TRIP11: variants seen among roughly 807,000 people sequenced by gnomAD.
TRIP11 encodes thyroid hormone receptor interactor 11.
TRIP11 carries 148 observed loss-of-function variants against 223.1 expected under a neutral mutation model. The observed-to-expected ratio is 0.66, with a 90% CI of 0.58 to 0.76. TRIP11 has a LOEUF of 0.76. Ranked by LOEUF, TRIP11 falls within the 30% of genes least tolerant of loss-of-function variation. TRIP11 has a pLI of 0.00. For missense variants in TRIP11, 2,043 were observed against 2,222.0 expected (o/e 0.92, Z 1.62); for synonymous variants, 762 against 772.6 (o/e 0.99, Z 0.23).
chr14:92,007,629 TAC>T lies in TRIP11; in HGVS notation c.1527+9_1527+10del, dbSNP rs754353690. On this transcript the variant is annotated intron_variant, in intron 10 of 20. Coordinates refer to ENST00000267622, the MANE Select transcript of TRIP11 (RefSeq NM_004239.4). Reference sequence around the variant, plus strand: ...GAATGTGCTGCCTTACTGTATTTAATACAGTGTTACCTTTGTAGCTTCTTGAT... The same window carrying T: ...GAATGTGCTGCCTTACTGTATTTAATAGTGTTACCTTTGTAGCTTCTTGAT... The T allele has an allele frequency of 2.6e-5, 42 of 1,612,768 alleles. No homozygotes were observed. The highest frequency in any genetic ancestry group is 3.5e-5 in the Non-Finnish European group (41 of 1,179,636).
chr14:92,014,266 C>A lies in TRIP11; in HGVS notation c.1135G>T (p.Ala379Ser). The A allele has an allele frequency of 6.2e-7, 1 of 1,614,014 alleles. No homozygotes were observed. The highest frequency in any genetic ancestry group is 8.5e-7 in the Non-Finnish European group (1 of 1,179,982). ...DTMTEKERILAQSASVEEVFR... is the reference protein window; with the variant it reads ...DTMTEKERILSQSASVEEVFR... Reference sequence around the variant, plus strand: ...ACTTCTTCCACTGATGCACTCTGGGCAAGAATTCTTTCCTTTTCTGTCATA... The same window carrying A: ...ACTTCTTCCACTGATGCACTCTGGGAAAGAATTCTTTCCTTTTCTGTCATA... The change falls in exon 7 of 21, where the codon GCC (alanine) becomes TCC (serine). Residue 379 changes from alanine (A) to serine (S), a missense_variant. By Grantham distance (99) the Ala-to-Ser change is moderately conservative. Coordinates refer to ENST00000267622, the MANE Select transcript of TRIP11 (RefSeq NM_004239.4).
At chr14:91,973,088 C>T (rs562520732) in intron 19 of TRIP11, among the ~76,000 whole-genome samples, 1 of 148,446 alleles carries the variant, frequency 6.7e-6, no homozygotes, top group East Asian at 2.0e-4. Flanking sequence ...TGCAATGGCA[C>T]TATCTCGGCT....
At chr14:91,988,579 G>A (rs2056633070) in intron 15 of TRIP11, among the ~76,000 whole-genome samples, 196 bp from the exon 16 acceptor site, 1 of 140,554 alleles carries the variant, frequency 7.1e-6, no homozygotes, top group African/African-American at 2.6e-5. Flanking sequence ...GCCTCATTTA[G>A]AGGAACTAAA....
chr14:91,977,768 A>G (rs1435402091), intron 16 of TRIP11, among the ~76,000 whole-genome samples: 1 of 152,102 alleles, frequency 6.6e-6, no homozygotes, highest in East Asian at 1.9e-4. Flanking sequence ...TGCTCTGTAC[A>G]ATGCTTCTGC....
intron 4 of TRIP11, among the ~76,000 whole-genome samples, chr14:92,020,760 CAAAATCACT>C (rs2057102963): frequency 6.6e-6 from 1 of 151,584 alleles, no homozygotes; most frequent in South Asian, 2.1e-4. Context: ...ATGACAGGAC[CAAAATCACT>C]TAGAAAGTCA....
rs374085165 is a variant in TRIP11 at position 92,025,400 on chromosome 14, A to C, written c.222T>G (p.Leu74=). The change falls in exon 3 of 21, where the codon CTT becomes CTG. Residue 74 remains leucine (L), a synonymous_variant. Coordinates refer to ENST00000267622, the MANE Select transcript of TRIP11 (RefSeq NM_004239.4). ...LRSENERLKK[L]CTDLEEKHEA... ...CATGTTTCTCTTCTAGATCAGTACA[A>C]AGTTTCTTAAGCCTTTCATTCTAGA... The C allele has an allele frequency of 1.9e-6, 3 of 1,612,874 alleles. No homozygotes were observed. The highest frequency in any genetic ancestry group is 1.1e-5 in the South Asian group (1 of 91,056).
rs990413088 is a variant in TRIP11 at position 92,004,547 on chromosome 14, C to T, written c.3429G>A (p.Leu1143=). Residue 1143 remains leucine (L), a synonymous_variant, in exon 11 of 21, where the codon TTG becomes TTA. Coordinates refer to ENST00000267622, the MANE Select transcript of TRIP11 (RefSeq NM_004239.4). ...LIKLQDENKK[L]STRFESSGQD... ...GGCCACTACTTTCAAATCTAGTGGA[C>T]AATTTTTTATTTTCATCTTGCAGTT... 1.2e-6 allele frequency: 2 copies of T among 1,613,190 alleles called. No individual in the cohort carries two copies. The highest frequency in any genetic ancestry group is 1.3e-5 in the African/African-American group (1 of 74,906).
intron 9 of TRIP11, among the ~76,000 whole-genome samples, chr14:92,009,824 G>A (rs180745628): frequency 3.3e-5 from 5 of 152,254 alleles, no homozygotes; most frequent in Admixed American, 2.6e-4. Context: ...TAAAGCTACT[G>A]ATACATACAA....
chr14:92,039,801 A>G lies in TRIP11; in HGVS notation c.-116T>C. 2 of 1,546,366 alleles carry G rather than the reference A, an allele frequency of 1.3e-6. No homozygotes were observed. The highest frequency in any genetic ancestry group is 1.7e-6 in the Non-Finnish European group (2 of 1,144,784). The stretch of plus-strand genomic sequence containing the variant: ...TGCCTTCGCGAGACAGGATACGATA[A>G]CACAAAGCTGGGTTCTCAGGCAAGG... On this transcript the variant is annotated 5_prime_UTR_variant, in exon 1 of 21. Transcript: ENST00000267622.
At chr14:92,018,097 C>CTTTT (rs560446477) in intron 4 of TRIP11, among the ~76,000 whole-genome samples, 1 of 139,316 alleles carries the variant, frequency 7.2e-6, no homozygotes. Flanking sequence ...TTTTTCCTTT[C>CTTTT]TTTTTTTTTT....
chr14:91,995,678 C>A (rs1379402156), intron 13 of TRIP11, among the ~76,000 whole-genome samples, 163 bp from the exon 14 acceptor site: 1 of 150,928 alleles, frequency 6.6e-6, no homozygotes, highest in Non-Finnish European at 1.5e-5. Flanking sequence ...TGCAGTGGCA[C>A]AATCTCAGCT....
At chr14:92,001,390 T>TC (rs2056824537) in intron 11 of TRIP11, among the ~76,000 whole-genome samples, 1 of 151,214 alleles carries the variant, frequency 6.6e-6, no homozygotes, top group South Asian at 2.1e-4. Flanking sequence ...TTTTTTTTTT[T>TC]CACACTACAA....
intron 19 of TRIP11, 139 bp from the exon 20 acceptor site, chr14:91,973,000 T>G (rs2056418176): frequency 1.3e-6 from 1 of 749,314 alleles, no homozygotes; most frequent in Non-Finnish European, 2.0e-6. Flanking sequence ...CAAATCAGCT[T>G]TATGAACAAT....
intron 16 of TRIP11, among the ~76,000 whole-genome samples, chr14:91,982,352 T>C (rs922286439): frequency 8.5e-5 from 13 of 152,188 alleles, no homozygotes; most frequent in African/African-American, 3.1e-4. Context: ...AGACAGAATA[T>C]ATATTTAATT....
At chr14:91,975,040 ATGAAG>A in intron 18 of TRIP11, 127 bp downstream of exon 18, 1 of 857,986 alleles carries the variant, frequency 1.2e-6, no homozygotes, top group Non-Finnish European at 1.9e-6. Flanking sequence ...TCAATGTTGT[ATGAAG>A]TAATTCCATT....
chr14:91,990,821 GAGA>G (rs1262847134), intron 15 of TRIP11, among the ~76,000 whole-genome samples: 3 of 152,284 alleles, frequency 2.0e-5, no homozygotes, highest in East Asian at 1.9e-4. Context: ...TAAGAAAAAA[GAGA>G]AGAAGATCTG....
At chr14:92,025,900 T>C (rs1179756885) in intron 2 of TRIP11, among the ~76,000 whole-genome samples, 1 of 145,334 alleles carries the variant, frequency 6.9e-6, no homozygotes, top group South Asian at 2.1e-4. Flanking sequence ...AAAAAAGCAC[T>C]GACCATGTTT....
chr14:91,995,476 C>T lies in TRIP11; in HGVS notation c.4932G>A (p.Gln1644=), dbSNP rs1053787823. The T allele has an allele frequency of 6.2e-7, 1 of 1,614,136 alleles. No homozygotes were observed. Residue 1644 remains glutamine, a synonymous_variant, in exon 14 of 21, where the codon CAG becomes CAA. Transcript: ENST00000267622. Reference sequence around the variant, plus strand: ...CCCTTTGCTTGGAAACTACATTCAACTGTTCTTGCAATGACTCTACCTGCA... The same window carrying T: ...CCCTTTGCTTGGAAACTACATTCAATTGTTCTTGCAATGACTCTACCTGCA... ...ASVQVESLQE[Q]LNVVSKQRDE...
Position 91,968,668 on chromosome 14 carries a change from T to C in TRIP11, c.*1005A>G, listed in dbSNP as rs2056364283. Reference sequence around the variant, plus strand: ...AACTAAGTGATATATCTGCACTATATGCTCAACAATAAAAAGGAACAAACT... The same window carrying C: ...AACTAAGTGATATATCTGCACTATACGCTCAACAATAAAAAGGAACAAACT... On this transcript the variant is annotated 3_prime_UTR_variant, in exon 21 of 21. Transcript: ENST00000267622. 4.4e-6 allele frequency: 1 copy of C among 226,704 alleles called. No homozygotes were observed. Among genetic ancestry groups the C allele is most frequent in the East Asian group, 6.4e-5 (1 of 15,574 alleles). The allele number at this position is 226,704 out of a possible 1,614,324, so 14.0% of individuals were successfully genotyped here.
Sources: gnomAD v4.1 joint callset for allele counts (sites outside exome capture counted in the v4.1 genomes callset) on GRCh38, gnomAD v4.1.1 for gene constraint, MANE v1.5 for transcripts, NCBI Gene and HGNC (gene_info 2026-07-23, HGNC 2026-07-21) for gene names.